Variants in TAOK3 observed in about 807,000 individuals in gnomAD.
TAOK3 encodes the protein TAO kinase 3, also known as serine/threonine-protein kinase TAO3.
In TAOK3, 40 loss-of-function variants were observed where a neutral mutation model predicts 120.4. That is an observed-to-expected ratio of 0.33 (90% confidence interval 0.26 to 0.43). The LOEUF is 0.43. Among genes scored for constraint, TAOK3 ranks in the 20% least tolerant of loss-of-function variants. The probability of loss-of-function intolerance (pLI) is 1.00; values close to 1 mark genes in which losing one functional copy is unlikely to be tolerated. For synonymous variants in TAOK3, 355 were observed against 387.5 expected, an observed-to-expected ratio of 0.92 and a Z score of 0.99; for missense variants, 821 against 1,112.1, an observed-to-expected ratio of 0.74 and a Z score of 3.72.
At chr12:118,255,703 C>T (rs1189106139) in intron 2 of TAOK3, 48 bp from the exon 3 acceptor site, 2 of 907,776 alleles carry the variant, frequency 2.2e-6, no homozygotes, top group Non-Finnish European at 3.3e-6. Context: ...ACACATTTTA[C>T]TTGGTGGCAA....
In TAOK3 at chr12:118,310,873, G is replaced by A. The variant is rs566869692; in HGVS notation, c.-193-44114C>T. ...AATATATTCTGGACTTAGAGTTTTAGGGCAGTGGGAAAACTAATCACATTC... is the reference window on the plus strand; with the variant it reads ...AATATATTCTGGACTTAGAGTTTTAAGGCAGTGGGAAAACTAATCACATTC... On this transcript the variant is annotated intron_variant, in intron 1 of 20. Transcript: ENST00000392533. Among the ~76,000 whole-genome samples, 90 of 152,140 alleles carry A rather than the reference G, an allele frequency of 5.9e-4. No individual in the cohort carries two copies. In the South Asian group the frequency reaches 7.9e-3, roughly 13 times the overall value.
chr12:118,262,050 G>A (rs529479380), intron 2 of TAOK3, among the ~76,000 whole-genome samples: 27 of 152,226 alleles, frequency 1.8e-4, no homozygotes, highest in African/African-American at 5.5e-4. Context: ...CAGTAGAGAC[G>A]GGGTTTTGTC....
chr12:118,280,990 T>C (rs2042079498), intron 1 of TAOK3, among the ~76,000 whole-genome samples: 1 of 152,174 alleles, frequency 6.6e-6, no homozygotes, highest in Non-Finnish European at 1.5e-5. Context: ...TTGATTTGGC[T>C]CTTGGCTTGG....
intron 2 of TAOK3, chr12:118,256,143 C>T (rs2040978457): frequency 6.7e-6 from 1 of 149,760 alleles, no homozygotes; most frequent in Non-Finnish European, 1.5e-5. Context: ...AAAAGATATA[C>T]AAATGACCAT....
intron 14 of TAOK3, among the ~76,000 whole-genome samples, chr12:118,188,135 T>C (rs527991054): frequency 6.6e-6 from 1 of 152,324 alleles, no homozygotes; most frequent in South Asian, 2.1e-4. Flanking sequence ...CTTGGTATAA[T>C]GTCTGCTTCA....
At chr12:118,326,555 T>C (rs910993534) in intron 1 of TAOK3, among the ~76,000 whole-genome samples, 15 of 152,234 alleles carry the variant, frequency 9.9e-5, no homozygotes, top group Non-Finnish European at 8.8e-5. Flanking sequence ...CTATCAAATA[T>C]ACATTTTTAA....
intron 2 of TAOK3, among the ~76,000 whole-genome samples, chr12:118,261,858 C>T (rs1284158314): frequency 6.6e-6 from 1 of 151,634 alleles, no homozygotes; most frequent in Non-Finnish European, 1.5e-5. Context: ...AATGATTACA[C>T]TTCTTTTTTT....
intron 1 of TAOK3, among the ~76,000 whole-genome samples, chr12:118,325,780 A>C (rs2043912601): frequency 6.6e-6 from 1 of 152,076 alleles, no homozygotes; most frequent in South Asian, 2.1e-4. Flanking sequence ...CCCAGGTTCA[A>C]GCAATTCTCC....
chr12:118,354,493 G>T (rs532095639), intron 1 of TAOK3, among the ~76,000 whole-genome samples: 1 of 152,302 alleles, frequency 6.6e-6, no homozygotes, highest in South Asian at 2.1e-4. Flanking sequence ...GCCAGGCACA[G>T]TGGCTCATGC....
At chr12:118,352,991 T>C (rs1002936821) in intron 1 of TAOK3, among the ~76,000 whole-genome samples, 1 of 152,132 alleles carries the variant, frequency 6.6e-6, no homozygotes, top group Admixed American at 6.5e-5. Context: ...ATTACAGGAG[T>C]GAGCCACTGT....
At chr12:118,366,465 T>A (rs1011836992) in intron 1 of TAOK3, among the ~76,000 whole-genome samples, 1 of 152,098 alleles carries the variant, frequency 6.6e-6, no homozygotes, top group Non-Finnish European at 1.5e-5. Flanking sequence ...CATAAGCCAA[T>A]ATCATTAGAA....
At chr12:118,329,236 C>T (rs1160438027) in intron 1 of TAOK3, among the ~76,000 whole-genome samples, 1 of 152,126 alleles carries the variant, frequency 6.6e-6, no homozygotes, top group Non-Finnish European at 1.5e-5. Context: ...TCGCTTTAAA[C>T]TCTACATGAT....
intron 1 of TAOK3, among the ~76,000 whole-genome samples, chr12:118,364,075 G>T (rs951024902): frequency 6.6e-6 from 1 of 152,174 alleles, no homozygotes; most frequent in South Asian, 2.1e-4. Flanking sequence ...GGCAGAGGTT[G>T]CAGTGAGTGG....
intron 16 of TAOK3, among the ~76,000 whole-genome samples, chr12:118,176,222 G>T (rs2036315141): frequency 6.6e-6 from 1 of 152,130 alleles, no homozygotes; most frequent in Non-Finnish European, 1.5e-5. Context: ...CTTGGGGGTA[G>T]GGAGAACATC....
At chr12:118,254,660 A>T (rs2040902776) in intron 3 of TAOK3, among the ~76,000 whole-genome samples, 1 of 152,184 alleles carries the variant, frequency 6.6e-6, no homozygotes. Flanking sequence ...TAATGTGCAG[A>T]GTTTTCTAGG....
At chr12:118,360,925 G>A (rs1013801378) in intron 1 of TAOK3, among the ~76,000 whole-genome samples, 8 of 152,196 alleles carry the variant, frequency 5.3e-5, no homozygotes, top group African/African-American at 1.9e-4. Flanking sequence ...AAAAGGCCAT[G>A]TTGGAGGTAA....
At position 118,161,658 on chromosome 12, in the gene TAOK3, T is replaced by A; in HGVS notation, c.2139+130A>T. On this transcript the variant is annotated intron_variant, in intron 18 of 20. Transcript: ENST00000392533. The surrounding 1 kb of genome is among the most constrained non-coding windows in gnomAD (Gnocchi z 4.5). The stretch of plus-strand genomic sequence containing the variant: ...AAATATAGACTCTGTGCTTTGCAAC[T>A]GGAGATTCTGATACAATAGGTGTGG... 1 of 1,235,732 alleles carries A rather than the reference T, an allele frequency of 8.1e-7. No individual in the cohort carries two copies. The highest frequency in any genetic ancestry group is 1.4e-5 in the South Asian group (1 of 69,460). The allele number at this position is 1,235,732 out of a possible 1,614,324, so 76.5% of individuals were successfully genotyped here.
chr12:118,362,452 G>C (rs548503273), intron 1 of TAOK3, among the ~76,000 whole-genome samples: 1 of 152,076 alleles, frequency 6.6e-6, no homozygotes, highest in African/African-American at 2.4e-5. Context: ...CTATGGGTTG[G>C]ACAAGTTTGC....
intron 13 of TAOK3, chr12:118,198,787 A>G: frequency 2.1e-6 from 1 of 474,938 alleles, no homozygotes; most frequent in East Asian, 4.3e-5. Context: ...ATTGGTTTAG[A>G]GAAGGACTTA....
Sources: allele counts gnomAD v4.1 joint callset (sites outside exome capture counted in the v4.1 genomes callset), GRCh38; gene constraint gnomAD v4.1.1; non-coding constraint Gnocchi (gnomAD v3.1); transcripts MANE v1.5; gene names NCBI Gene and HGNC (gene_info 2026-07-23, HGNC 2026-07-21).